The following CIT variants were observed in gnomAD, a reference collection of about 807,000 sequenced individuals.
CIT encodes the protein citron Rho-interacting kinase.
CIT carries 79 observed loss-of-function variants against 272.7 expected under a neutral mutation model. The observed-to-expected ratio is 0.29, with a 90% CI of 0.24 to 0.35. The LOEUF (loss-of-function observed/expected upper bound fraction) is 0.35, where lower values mean the gene tolerates loss of function less well. CIT is among the 10% of genes least tolerant of loss of function. The pLI is 1.00. For synonymous variants in CIT, 948 were observed against 995.6 expected (o/e 0.95, Z 0.90); for missense variants, 1,909 against 2,618.3 (o/e 0.73, Z 5.91).
chr12:119,750,146 T>C (rs1960019214), intron 23 of CIT, among the ~76,000 whole-genome samples: 1 of 152,226 alleles, frequency 6.6e-6, no homozygotes, highest in South Asian at 2.1e-4. Flanking sequence ...AGGTTGGGTA[T>C]AGGTACAGGA....
At chr12:119,814,504 G>A (rs907179931) in intron 9 of CIT, among the ~76,000 whole-genome samples, 17 of 151,958 alleles carry the variant, frequency 1.1e-4, no homozygotes, top group African/African-American at 3.1e-4. Flanking sequence ...TCCCCTTCCC[G>A]TCCATGCTGA....
At chr12:119,706,944 ATC>A (rs1292582015) in intron 40 of CIT, among the ~76,000 whole-genome samples, 3 of 152,212 alleles carry the variant, frequency 2.0e-5, no homozygotes, top group Non-Finnish European at 2.9e-5. Context: ...CCTCACCAGC[ATC>A]TGTTATTTTT....
At chr12:119,724,464 C>G (rs1381358450) in intron 28 of CIT, among the ~76,000 whole-genome samples, 1 of 152,040 alleles carries the variant, frequency 6.6e-6, no homozygotes, top group Non-Finnish European at 1.5e-5. Flanking sequence ...ATGAGAGTTG[C>G]TGAAAAATGG....
intron 10 of CIT, among the ~76,000 whole-genome samples, 154 bp downstream of exon 10, chr12:119,803,052 C>A (rs933848093): frequency 6.6e-6 from 1 of 152,104 alleles, no homozygotes; most frequent in Non-Finnish European, 1.5e-5. Context: ...CCCCGCAAAG[C>A]CCTAACAGGT....
Position 119,804,412 on chromosome 12 carries a change from C to T in CIT, c.1112-1023G>A, listed in dbSNP as rs1966469190. 2 of 985,638 alleles carry T rather than the reference C, an allele frequency of 2.0e-6. No individual in the cohort carries two copies. The allele number at this position is 985,638 out of a possible 1,614,324, so 61.1% of individuals were successfully genotyped here. On this transcript the variant is annotated intron_variant, in intron 9 of 47. Transcript: ENST00000392521. The surrounding 1 kb of genome is among the most constrained non-coding windows in gnomAD (Gnocchi z 5.3). ...TCCCCCGCAGTGCAGGCTGCATGCTCCCGGCTCCGTGCGTGCGTGCTCTGG... is the reference window on the plus strand; with the variant it reads ...TCCCCCGCAGTGCAGGCTGCATGCTTCCGGCTCCGTGCGTGCGTGCTCTGG...
At position 119,788,741 on chromosome 12, in the gene CIT, C is replaced by T. The variant is rs529032329; in HGVS notation, c.1296-3676G>A. ...CGAGGAGATGTGCAGCCCCCACCCG[C>T]CGGCACTCGAAAGAGACCATGCGAC... On this transcript the variant is annotated intron_variant, in intron 10 of 47. Coordinates refer to ENST00000392521, the MANE Select transcript of CIT (RefSeq NM_001206999.2). Among the ~76,000 whole-genome samples the T allele has an allele frequency of 3.0e-3, 456 of 152,258 alleles. 2 individuals carry two copies. The highest frequency in any genetic ancestry group is 3.0e-3 in the Non-Finnish European group (202 of 68,038).
At chr12:119,715,416 A>G (rs1957406140) in intron 32 of CIT, among the ~76,000 whole-genome samples, 1 of 152,244 alleles carries the variant, frequency 6.6e-6, no homozygotes, top group South Asian at 2.1e-4. Context: ...ACATTCCATG[A>G]AAGAAGCCAG....
At chr12:119,808,347 G>A (rs1440582699) in intron 9 of CIT, among the ~76,000 whole-genome samples, 1 of 152,122 alleles carries the variant, frequency 6.6e-6, no homozygotes, top group Middle Eastern at 3.4e-3. Flanking sequence ...ACAATACCTG[G>A]CTGTCCTTAT....
intron 28 of CIT, 146 bp from the exon 29 acceptor site, chr12:119,721,595 T>C: frequency 1.3e-6 from 1 of 790,562 alleles, no homozygotes; most frequent in Non-Finnish European, 1.9e-6. Context: ...CCAATTGTCA[T>C]CTATTCCAAA....
intron 8 of CIT, 143 bp downstream of exon 8, chr12:119,825,022 G>C (rs1347838366): frequency 1.6e-6 from 1 of 614,882 alleles, no homozygotes; most frequent in Non-Finnish European, 2.8e-6. Flanking sequence ...GGATGGTCTC[G>C]ATCTCCTGAC....
chr12:119,842,702 T>C (rs1211207156), intron 5 of CIT, among the ~76,000 whole-genome samples: 1 of 152,098 alleles, frequency 6.6e-6, no homozygotes, highest in Non-Finnish European at 1.5e-5. Flanking sequence ...TTTTTAACCA[T>C]CAAAATGCAA....
chr12:119,787,624 C>T (rs367775506), intron 10 of CIT, among the ~76,000 whole-genome samples: 1 of 146,132 alleles, frequency 6.8e-6, no homozygotes, highest in Admixed American at 7.1e-5. Flanking sequence ...CCAGCTACTC[C>T]GGAGGCTGAG....
At chr12:119,708,139 C>A in intron 40 of CIT, 40 bp downstream of exon 40, 2 of 1,465,246 alleles carry the variant, frequency 1.4e-6, no homozygotes, top group South Asian at 2.9e-5. Context: ...GTGTCAATTT[C>A]CAGAACATTC....
chr12:119,711,644 G>A (rs1294539095), intron 37 of CIT, among the ~76,000 whole-genome samples: 4 of 152,102 alleles, frequency 2.6e-5, no homozygotes, highest in South Asian at 2.1e-4. Flanking sequence ...TACTGATGCC[G>A]ATTCCCCCAT....
At chr12:119,785,219 T>C (rs762072602) in intron 10 of CIT, among the ~76,000 whole-genome samples, 154 bp from the exon 11 acceptor site, 3 of 152,316 alleles carry the variant, frequency 2.0e-5, no homozygotes, top group African/African-American at 7.2e-5. Context: ...AAGATGCCCA[T>C]GTCCTGATCT....
intron 24 of CIT, among the ~76,000 whole-genome samples, chr12:119,738,868 AG>A (rs1158036176): frequency 1.5e-5 from 2 of 137,134 alleles, no homozygotes; most frequent in Non-Finnish European, 3.1e-5. Context: ...GGGCAATAAG[AG>A]AGAAACTCAA....
intron 5 of CIT, among the ~76,000 whole-genome samples, chr12:119,845,077 G>A (rs1162733950): frequency 2.0e-5 from 3 of 151,898 alleles, no homozygotes; most frequent in African/African-American, 7.3e-5. Flanking sequence ...CCGAGATTGC[G>A]CCACTGAACT....
chr12:119,749,436 C>T (rs56246198), intron 23 of CIT, among the ~76,000 whole-genome samples: 2,167 of 152,242 alleles, frequency 0.014, 42 homozygotes, highest in African/African-American at 0.049. Flanking sequence ...TTGGAAAAGA[C>T]GTTTTTCAGA....
intron 3 of CIT, among the ~76,000 whole-genome samples, chr12:119,866,607 C>A (rs1030369541): frequency 6.6e-6 from 1 of 151,906 alleles, no homozygotes; most frequent in Non-Finnish European, 1.5e-5. Flanking sequence ...TTTCTTGAGG[C>A]CAGGAGTTCA....
Sources: allele counts gnomAD v4.1 joint callset (sites outside exome capture counted in the v4.1 genomes callset), GRCh38; gene constraint gnomAD v4.1.1; non-coding constraint Gnocchi (gnomAD v3.1); transcripts MANE v1.5; gene names NCBI Gene and HGNC (gene_info 2026-07-23, HGNC 2026-07-21).